Variants in KAZN observed in about 807,000 individuals in gnomAD.
The protein encoded by KAZN is kazrin, periplakin interacting protein, also known as kazrin.
In KAZN, 40 loss-of-function variants were observed where a neutral mutation model predicts 87.4. The observed-to-expected ratio is 0.46, with a 90% CI of 0.36 to 0.60. The LOEUF is 0.60. Among genes scored for constraint, KAZN ranks in the 20% least tolerant of loss-of-function variants. KAZN has a pLI of 0.00. For missense variants in KAZN, 898 were observed against 1,073.9 expected, an observed-to-expected ratio of 0.84 and a Z score of 2.29; for synonymous variants, 466 against 458.3, an observed-to-expected ratio of 1.02 and a Z score of -0.22.
At chr1:14,418,227 G>T (rs542192852) in intron 2 of KAZN, among the ~76,000 whole-genome samples, 12 of 152,046 alleles carry the variant, frequency 7.9e-5, no homozygotes, top group South Asian at 2.1e-4. Flanking sequence ...AATTCAGGAA[G>T]ATCTGAGTTC....
chr1:14,707,298 C>T (rs550160414), intron 1 of KAZN, among the ~76,000 whole-genome samples: 4 of 152,200 alleles, frequency 2.6e-5, no homozygotes, highest in African/African-American at 7.2e-5. Flanking sequence ...GTAATAAATG[C>T]GTGAGAGGAT....
intron 8 of KAZN, among the ~76,000 whole-genome samples, chr1:15,071,444 G>A (rs768686257): frequency 4.6e-5 from 7 of 152,112 alleles, no homozygotes; most frequent in Middle Eastern, 6.8e-3. Context: ...TAGTAGAGAC[G>A]GGAGTTTGCC....
chr1:15,037,875 A>G (rs1390505047), intron 3 of KAZN, among the ~76,000 whole-genome samples: 1 of 152,192 alleles, frequency 6.6e-6, no homozygotes, highest in Non-Finnish European at 1.5e-5. Flanking sequence ...TGGGAGGGAC[A>G]GAGGGTCTCA....
intron 1 of KAZN, among the ~76,000 whole-genome samples, chr1:14,007,223 G>A (rs1640075114): frequency 1.3e-5 from 2 of 152,096 alleles, no homozygotes; most frequent in South Asian, 2.1e-4. Flanking sequence ...TAGTTCTAAA[G>A]TTCTTTCGTA....
Position 14,949,661 on chromosome 1 carries a change from C to T in KAZN, c.227-11023C>T, listed in dbSNP as rs1257448300. 6.6e-6 allele frequency among the ~76,000 whole-genome samples: 1 copy of T among 152,190 alleles called. No homozygotes were observed. Among genetic ancestry groups the T allele is most frequent in the Non-Finnish European group, 1.5e-5 (1 of 68,036 alleles). The stretch of plus-strand genomic sequence containing the variant: ...TCCGGCAGACCCCAGGGGGCTGCGT[C>T]CTGCAGTGCCAATCCTCAGGTGAAG... On this transcript the variant is annotated intron_variant, in intron 1 of 14. Transcript: ENST00000376030. The surrounding 1 kb of genome is among the most constrained non-coding windows in gnomAD (Gnocchi z 4.3).
intron 1 of KAZN, among the ~76,000 whole-genome samples, chr1:14,758,730 C>A (rs1317317848): frequency 6.6e-6 from 1 of 152,148 alleles, no homozygotes; most frequent in Non-Finnish European, 1.5e-5. Context: ...TCTGCTCTCC[C>A]AATGCTTGTG....
intron 1 of KAZN, among the ~76,000 whole-genome samples, chr1:14,120,576 C>T (rs1644730729): frequency 6.6e-6 from 1 of 152,198 alleles, no homozygotes; most frequent in Admixed American, 6.5e-5. Flanking sequence ...TCTTCCTTCA[C>T]TGGGCCCAGA....
chr1:14,432,001 A>AT (rs1308270212), intron 2 of KAZN, among the ~76,000 whole-genome samples: 9 of 152,168 alleles, frequency 5.9e-5, no homozygotes, highest in African/African-American at 2.2e-4. Context: ...GTCCCTCTGG[A>AT]GAACCCTGAC....
At chr1:15,083,316 CA>C (rs1640096021) in intron 8 of KAZN, among the ~76,000 whole-genome samples, 1 of 152,184 alleles carries the variant, frequency 6.6e-6, no homozygotes, top group Non-Finnish European at 1.5e-5. Context: ...TAGTACATAG[CA>C]AAACCTTCTC....
chr1:14,247,649 G>A (rs982645144), intron 2 of KAZN, among the ~76,000 whole-genome samples: 4 of 152,194 alleles, frequency 2.6e-5, no homozygotes, highest in Admixed American at 2.6e-4. Context: ...AGTGCTTCGT[G>A]ATCGATACGC....
intron 1 of KAZN, among the ~76,000 whole-genome samples, chr1:14,084,086 T>A (rs192718733): frequency 2.0e-5 from 3 of 152,250 alleles, no homozygotes; most frequent in East Asian, 3.9e-4. Flanking sequence ...CAGAGACCCA[T>A]GAGAAGGCTA....
chr1:14,489,191 AAAG>A (rs757034312), intron 2 of KAZN, among the ~76,000 whole-genome samples: 14 of 152,318 alleles, frequency 9.2e-5, no homozygotes, highest in East Asian at 1.9e-4. Flanking sequence ...AATGTGAAAA[AAAG>A]AAGAATATGA....
intron 1 of KAZN, among the ~76,000 whole-genome samples, chr1:14,148,219 C>T (rs1645395489): frequency 1.2e-5 from 1 of 80,286 alleles, no homozygotes; most frequent in African/African-American, 5.3e-5. Flanking sequence ...AAAACACAAA[C>T]TTGAGGTGCT....
intron 2 of KAZN, among the ~76,000 whole-genome samples, chr1:14,484,619 A>G (rs1669252129): frequency 6.6e-6 from 1 of 152,224 alleles, no homozygotes; most frequent in Non-Finnish European, 1.5e-5. Flanking sequence ...GACAGTAAAC[A>G]TTTGTTTTTG....
At chr1:15,104,326 C>A in intron 13 of KAZN, 137 bp downstream of exon 13, 1 of 902,942 alleles carries the variant, frequency 1.1e-6, no homozygotes. Flanking sequence ...ATGGTGGTCA[C>A]CTTTTACAGA....
chr1:14,444,513 T>G (rs1230181959), intron 2 of KAZN, among the ~76,000 whole-genome samples: 2 of 152,034 alleles, frequency 1.3e-5, no homozygotes, highest in Non-Finnish European at 2.9e-5. Flanking sequence ...GGTTTCTCCA[T>G]GTTGGTCAGG....
At chr1:14,853,823 T>C (rs1649751926) in intron 1 of KAZN, among the ~76,000 whole-genome samples, 1 of 152,136 alleles carries the variant, frequency 6.6e-6, no homozygotes, top group African/African-American at 2.4e-5. Context: ...TCCATCTATT[T>C]CAAGAGCTCC....
rs78993842 is a variant in KAZN, at chr1:14,443,471, T to C, written c.250-155512T>C. 7.6e-3 allele frequency among the ~76,000 whole-genome samples: 1,163 copies of C among 152,310 alleles called. 23 individuals are homozygous for C. The highest frequency in any genetic ancestry group is 0.026 in the African/African-American group (1,090 of 41,570). On this transcript the variant is annotated intron_variant, in intron 2 of 16. Transcript: ENST00000636203. ...ATAAATCAAGAGCAGCCCACCTCGTTTGCAAATGGAAATCATTCTAACAGG... is the reference window on the plus strand; with the variant it reads ...ATAAATCAAGAGCAGCCCACCTCGTCTGCAAATGGAAATCATTCTAACAGG...
intron 1 of KAZN, among the ~76,000 whole-genome samples, chr1:14,114,742 A>G (rs899289234): frequency 5.3e-5 from 8 of 152,228 alleles, no homozygotes; most frequent in African/African-American, 1.7e-4. Flanking sequence ...CATTCTAGAC[A>G]CAGTGTCAGT....
Sources: gnomAD v4.1 joint callset for allele counts (sites outside exome capture counted in the v4.1 genomes callset) on GRCh38, gnomAD v4.1.1 for gene constraint, Gnocchi (gnomAD v3.1) non-coding constraint, MANE v1.5 for transcripts, NCBI Gene and HGNC (gene_info 2026-07-23, HGNC 2026-07-21) for gene names.